The following INSC variants were observed in gnomAD, a reference collection of about 807,000 sequenced individuals.
The protein encoded by INSC is INSC spindle orientation adaptor protein, also known as protein inscuteable homolog.
In INSC, 67 loss-of-function variants were observed where a neutral mutation model predicts 58.6. The ratio of observed to expected loss-of-function variants is 1.14; its 90% CI spans 0.94 to 1.40. INSC has a LOEUF of 1.40. Among genes scored for constraint, INSC ranks in the 40% most tolerant of loss-of-function variants. The probability of loss-of-function intolerance (pLI) is 0.00; values close to 1 mark genes in which losing one functional copy is unlikely to be tolerated. For synonymous variants in INSC, 262 were observed against 276.1 expected, an observed-to-expected ratio of 0.95 and a Z score of 0.51; for missense variants, 714 against 692.0, an observed-to-expected ratio of 1.03 and a Z score of -0.36.
chr11:15,166,269 G>T (rs1365657878), intron 2 of INSC, among the ~76,000 whole-genome samples: 1 of 152,134 alleles, frequency 6.6e-6, no homozygotes, highest in African/African-American at 2.4e-5. Context: ...TGAGAATTGG[G>T]GCAATGGTTT....
intron 9 of INSC, among the ~76,000 whole-genome samples, chr11:15,232,467 C>G (rs537590323): frequency 4.6e-5 from 7 of 152,146 alleles, no homozygotes; most frequent in Non-Finnish European, 1.0e-4. Flanking sequence ...TTATATTGCT[C>G]AGGCTGATCT....
chr11:15,253,058 C>A, the INSC span, among the ~76,000 whole-genome samples: 1 of 152,090 alleles, frequency 6.6e-6, no homozygotes, highest in Non-Finnish European at 1.5e-5. Flanking sequence ...TGTGGTAGAA[C>A]AAAGCCAGAA....
chr11:15,132,008 GATTA>G lies in INSC; in HGVS notation c.-46+17009_-46+17012del, dbSNP rs565744199. ...TTTACATACTTTCTTTCTTTGTTTG[GATTA>G]ATTTTTAAAATTTATTACTCATTTA... On this transcript the variant is annotated intron_variant, in intron 1 of 12. Transcript: ENST00000379556. Among the ~76,000 whole-genome samples the G allele has an allele frequency of 4.3e-3, 660 of 151,924 alleles. 7 individuals carry two copies. The highest frequency in any genetic ancestry group is 0.015 in the African/African-American group (632 of 41,440).
intron 8 of INSC, 64 bp from the exon 9 acceptor site, chr11:15,225,585 CA>C (rs1485033263): frequency 1.9e-5 from 28 of 1,500,434 alleles, no homozygotes; most frequent in Middle Eastern, 3.5e-4. Context: ...TTGTGTGAAC[CA>C]AATGAGACAA....
chr11:15,224,019 T>C (rs1330107935), intron 8 of INSC, among the ~76,000 whole-genome samples: 7 of 152,160 alleles, frequency 4.6e-5, no homozygotes, highest in Admixed American at 4.6e-4. Context: ...AATGGGAACT[T>C]TGGAGTCAGG....
intron 1 of INSC, among the ~76,000 whole-genome samples, chr11:15,138,046 G>A (rs957676403): frequency 6.6e-6 from 1 of 152,124 alleles, no homozygotes; most frequent in Non-Finnish European, 1.5e-5. Flanking sequence ...TAATATTGTT[G>A]TATCTTGGGG....
rs542529875 is a variant in INSC, at chr11:15,115,021, C to G, written c.-46+18C>G. 3.0e-3 allele frequency: 2,984 copies of G among 985,386 alleles called. 6 individuals are homozygous for G. Among genetic ancestry groups the G allele is most frequent in the Non-Finnish European group, 3.4e-3 (2,794 of 829,828 alleles). The allele number at this position is 985,386 out of a possible 1,614,324, so 61.0% of individuals were successfully genotyped here. Reference sequence around the variant, plus strand: ...CACGCTAAGTAAGTAGACAGCTCCCCTAGCTGGATTCAGGGGGCTGGTGAT... The same window carrying G: ...CACGCTAAGTAAGTAGACAGCTCCCGTAGCTGGATTCAGGGGGCTGGTGAT... On this transcript the variant is annotated intron_variant, in intron 1 of 12. Transcript: ENST00000379556.
At chr11:15,142,770 T>G (rs1848401018) in intron 1 of INSC, among the ~76,000 whole-genome samples, 1 of 151,888 alleles carries the variant, frequency 6.6e-6, no homozygotes, top group African/African-American at 2.4e-5. Flanking sequence ...TTTGTCTCAG[T>G]GGATATTAGG....
intron 12 of INSC, among the ~76,000 whole-genome samples, chr11:15,242,143 A>G (rs1852379142): frequency 6.6e-6 from 1 of 152,222 alleles, no homozygotes; most frequent in South Asian, 2.1e-4. Flanking sequence ...ATTAACATGT[A>G]ATGATTGGCC....
chr11:15,238,017 G>C (rs1484655802), intron 10 of INSC, among the ~76,000 whole-genome samples: 2 of 152,170 alleles, frequency 1.3e-5, no homozygotes. Flanking sequence ...GCCACTGGGT[G>C]CAGAAGAGGG....
rs537319047 is a variant in INSC, at chr11:15,143,857, C to T, written c.-45-5273C>T. Among the ~76,000 whole-genome samples the T allele has an allele frequency of 5.9e-5, 9 of 152,274 alleles. 1 individual carries two copies. The highest frequency in any genetic ancestry group is 5.9e-4 in the Admixed American group (9 of 15,294). ...TGGGCTCTAAATCCTGTGCATTTTG[C>T]ATAGACTGGGGAAGTCAAATTGAAA... On this transcript the variant is annotated intron_variant, in intron 1 of 12. Transcript: ENST00000379556.
At chr11:15,195,005 G>A (rs977284259) in intron 6 of INSC, among the ~76,000 whole-genome samples, 2 of 152,204 alleles carry the variant, frequency 1.3e-5, no homozygotes, top group East Asian at 3.8e-4. Flanking sequence ...ATTCTACTGT[G>A]CTGCGTGGGT....
chr11:15,189,095 C>T (rs1007173069), intron 5 of INSC, among the ~76,000 whole-genome samples: 18 of 152,156 alleles, frequency 1.2e-4, no homozygotes, highest in Non-Finnish European at 2.4e-4. Flanking sequence ...GCATGTTGTG[C>T]GTGTGTGAGG....
At position 15,221,632 on chromosome 11, in the gene INSC, C is replaced by G. The variant is rs564607638; in HGVS notation, c.975C>G (p.Ile325Met). The change falls in exon 8 of 13, where the codon ATC becomes ATG. Residue 325 changes from isoleucine to methionine, a missense_variant. Transcript: ENST00000379556. ...LSSFLESMEE[I>M]VTALVKLCQE... The stretch of plus-strand genomic sequence containing the variant: ...GCTTCCTGGAGAGCATGGAGGAGAT[C>G]GTGACAGCCCTCGTCAGTGAGTCAC... 2.5e-6 allele frequency: 4 copies of G among 1,611,968 alleles called. No homozygotes were observed. The highest frequency in any genetic ancestry group is 3.4e-6 in the Non-Finnish European group (4 of 1,178,832).
chr11:15,163,222 T>C (rs1367018235), intron 2 of INSC, among the ~76,000 whole-genome samples: 1 of 152,216 alleles, frequency 6.6e-6, no homozygotes, highest in Non-Finnish European at 1.5e-5. Flanking sequence ...AAAGTATTGC[T>C]CTCAGAATCT....
At chr11:15,183,178 T>C (rs1590412218) in intron 5 of INSC, among the ~76,000 whole-genome samples, 1 of 151,768 alleles carries the variant, frequency 6.6e-6, no homozygotes, top group Admixed American at 6.6e-5. Context: ...AGAAACCCTG[T>C]CTCTACTAAA....
downstream of INSC, among the ~76,000 whole-genome samples, chr11:15,249,686 A>G (rs904844971): frequency 1.3e-5 from 2 of 152,202 alleles, no homozygotes; most frequent in African/African-American, 4.8e-5. Flanking sequence ...ATGGGACCAA[A>G]GGCTGTGGCC....
At chr11:15,229,132 A>G (rs1761720556) in intron 9 of INSC, among the ~76,000 whole-genome samples, 1 of 152,160 alleles carries the variant, frequency 6.6e-6, no homozygotes, top group Non-Finnish European at 1.5e-5. Context: ...CTAGGATGGA[A>G]GAGACCTGAT....
intron 9 of INSC, 109 bp downstream of exon 9, chr11:15,225,937 A>C (rs1794787980): frequency 9.1e-7 from 1 of 1,096,532 alleles, no homozygotes; most frequent in South Asian, 1.6e-5. Context: ...GAGTCCTGTT[A>C]GTTTTGCATG....
Sources: allele counts gnomAD v4.1 joint callset (sites outside exome capture counted in the v4.1 genomes callset), GRCh38; gene constraint gnomAD v4.1.1; transcripts MANE v1.5; gene names NCBI Gene and HGNC (gene_info 2026-07-23, HGNC 2026-07-21).